PMPCB: variants seen among roughly 807,000 people sequenced by gnomAD.
PMPCB encodes peptidase, mitochondrial processing subunit beta.
In PMPCB, 46 loss-of-function variants were observed where a neutral mutation model predicts 61.5. That is an observed-to-expected ratio of 0.75 (90% CI 0.59 to 0.96). The LOEUF (loss-of-function observed/expected upper bound fraction) is 0.96. Among genes scored for constraint, PMPCB ranks in the 40% least tolerant of loss-of-function variants. The pLI, the probability that PMPCB is intolerant of heterozygous loss-of-function variation, is 0.00. For synonymous variants in PMPCB, 191 were observed against 201.6 expected (o/e 0.95, Z 0.44); for missense variants, 590 against 602.4 (o/e 0.98, Z 0.22).
intron 7 of PMPCB, among the ~76,000 whole-genome samples, chr7:103,308,431 C>T (rs889580789): frequency 1.2e-4 from 19 of 152,118 alleles, no homozygotes; most frequent in African/African-American, 4.3e-4. Context: ...AGACCAGCCT[C>T]ACCAACATGG....
chr7:103,310,186 A>T, intron 8 of PMPCB, 129 bp from the exon 9 acceptor site: 1 of 674,308 alleles, frequency 1.5e-6, no homozygotes, highest in Non-Finnish European at 2.6e-6. Flanking sequence ...TAACTCTACT[A>T]CTGAGATGTT....
intron 6 of PMPCB, among the ~76,000 whole-genome samples, chr7:103,307,362 A>G (rs1817617838): frequency 6.6e-6 from 1 of 152,194 alleles, no homozygotes; most frequent in Non-Finnish European, 1.5e-5. Flanking sequence ...TTAGCTGTGA[A>G]TCCATTGGTC....
At chr7:103,301,738 A>G (rs1188929906) in intron 4 of PMPCB, among the ~76,000 whole-genome samples, 1 of 152,122 alleles carries the variant, frequency 6.6e-6, no homozygotes, top group Admixed American at 6.6e-5. Context: ...ATATGAAGTA[A>G]TAATTAGATG....
rs140727408 is a variant in PMPCB, at chr7:103,328,700, G to A, written c.*1432-231G>A. ...ACTAATTTATATTCTGCTTTCTTCA[G>A]CTTCACATTATAGCGTTTGCATTTT... On this transcript the variant is annotated intron_variant and NMD_transcript_variant, in intron 12 of 12. Transcript: ENST00000444457. Among the ~76,000 whole-genome samples the A allele has an allele frequency of 3.8e-3, 573 of 152,250 alleles. 4 individuals carry two copies. The highest frequency in any genetic ancestry group is 0.014 in the African/African-American group (564 of 41,542).
chr7:103,323,737 A>G, intron 12 of PMPCB: 2 of 1,110,088 alleles, frequency 1.8e-6, no homozygotes, highest in Non-Finnish European at 2.4e-6. Context: ...CAAGTGAATG[A>G]ATTTGTTTTA....
chr7:103,311,300 T>C, intron 9 of PMPCB: 1 of 245,446 alleles, frequency 4.1e-6, no homozygotes. Flanking sequence ...ACTCTACTCA[T>C]TGTTTTCAGA....
At chr7:103,346,454 T>A in the PMPCB span, among the ~76,000 whole-genome samples, 1 of 152,146 alleles carries the variant, frequency 6.6e-6, no homozygotes, top group Non-Finnish European at 1.5e-5. Flanking sequence ...TTTAAAAAAA[T>A]TGTGCTAAAA....
the PMPCB span, among the ~76,000 whole-genome samples, chr7:103,339,277 T>A: frequency 6.6e-6 from 1 of 152,214 alleles, no homozygotes; most frequent in African/African-American, 2.4e-5. Context: ...TGATCCATAT[T>A]TGATGAATGA....
In PMPCB at chr7:103,304,045, G is replaced by C; in HGVS notation, c.656+5G>C. ...GGGACCAACTGAAAATATCAAGTAG[G>C]TATAACAGAATTTCTTGGTGTATAA... On this transcript the variant is annotated splice_donor_5th_base_variant and intron_variant, in intron 5 of 12. Coordinates refer to ENST00000249269, the MANE Select transcript of PMPCB (RefSeq NM_004279.3). The C allele has an allele frequency of 6.3e-7, 1 of 1,589,448 alleles. No individual in the cohort carries two copies. The highest frequency in any genetic ancestry group is 8.6e-7 in the Non-Finnish European group (1 of 1,159,320).
chr7:103,329,037 G>C (rs1310740247), exon 13 of PMPCB: 3 of 1,238,140 alleles, frequency 2.4e-6, no homozygotes, highest in East Asian at 6.1e-5. Flanking sequence ...CACAGCCTCA[G>C]CCACAGTACG....
intron 7 of PMPCB, among the ~76,000 whole-genome samples, chr7:103,308,225 A>T (rs973144399): frequency 6.6e-6 from 1 of 152,228 alleles, no homozygotes; most frequent in Non-Finnish European, 1.5e-5. Context: ...ATGATGCTCA[A>T]AGTAGTATCT....
At chr7:103,344,443 C>G in the PMPCB span, 1 of 1,177,584 alleles carries the variant, frequency 8.5e-7, no homozygotes, top group Non-Finnish European at 1.3e-6. Context: ...CGGCCCCATA[C>G]GGCCCCGGGG....
At chr7:103,343,843 C>G in the PMPCB span, among the ~76,000 whole-genome samples, 1 of 152,104 alleles carries the variant, frequency 6.6e-6, no homozygotes, top group Non-Finnish European at 1.5e-5. Flanking sequence ...AAGAGGCACA[C>G]GGAGACACAT....
Position 103,312,904 on chromosome 7 carries a change from A to G in PMPCB, c.*633A>G. 9 of 1,583,064 alleles carry G rather than the reference A, an allele frequency of 5.7e-6. No individual in the cohort carries two copies. The highest frequency in any genetic ancestry group is 7.7e-6 in the Non-Finnish European group (9 of 1,169,586). ...AAATATGAGCTATATCACCCAAGCT[A>G]CAATTTAAAATACAACAATCTATAA... On this transcript the variant is annotated 3_prime_UTR_variant, in exon 13 of 13. Transcript: ENST00000249269.
At chr7:103,331,167 G>T (rs1473014502), downstream of PMPCB, among the ~76,000 whole-genome samples, 1 of 152,014 alleles carries the variant, frequency 6.6e-6, no homozygotes, top group Non-Finnish European at 1.5e-5. Context: ...ATGTTGGCCA[G>T]GCTTGGTCTT....
chr7:103,323,714 A>G, intron 12 of PMPCB: 1 of 1,256,610 alleles, frequency 8.0e-7, no homozygotes, highest in Non-Finnish European at 1.1e-6. Context: ...ATGAAAAAAA[A>G]TTCTTTTTAA....
At chr7:103,306,741 CTTTCT>C (rs1254906903) in intron 6 of PMPCB, among the ~76,000 whole-genome samples, 4 of 151,984 alleles carry the variant, frequency 2.6e-5, no homozygotes, top group African/African-American at 4.8e-5. Flanking sequence ...GTGTATCCAG[CTTTCT>C]TTTATTTATT....
chr7:103,322,495 T>C (rs1818475874), intron 12 of PMPCB: 1 of 1,446,834 alleles, frequency 6.9e-7, no homozygotes, highest in Non-Finnish European at 9.4e-7. Flanking sequence ...TCCACCTTCA[T>C]TAAATGTTGT....
chr7:103,347,024 T>A, the PMPCB span, among the ~76,000 whole-genome samples: 1 of 152,242 alleles, frequency 6.6e-6, no homozygotes, highest in Admixed American at 6.5e-5. Flanking sequence ...AGAAATCGAA[T>A]TGCTAGGTGG....
Sources: gnomAD v4.1 joint callset for allele counts (sites outside exome capture counted in the v4.1 genomes callset) on GRCh38, gnomAD v4.1.1 for gene constraint, MANE v1.5 for transcripts, NCBI Gene and HGNC (gene_info 2026-07-23, HGNC 2026-07-21) for gene names.